AQP5: variants seen among roughly 807,000 people sequenced by gnomAD.
The protein encoded by AQP5 is aquaporin 5, also known as aquaporin-5.
AQP5 carries 15 observed loss-of-function variants against 19.1 expected under a neutral mutation model. The ratio of observed to expected loss-of-function variants is 0.79; its 90% CI spans 0.53 to 1.21. The LOEUF (loss-of-function observed/expected upper bound fraction) is 1.21. AQP5 is among the 50% of genes most tolerant of loss of function. The probability of loss-of-function intolerance (pLI) is 0.00; values close to 1 mark genes in which losing one functional copy is unlikely to be tolerated. For synonymous variants in AQP5, 182 were observed against 160.3 expected (o/e 1.14, Z -1.02); for missense variants, 355 against 357.1 (o/e 0.99, Z 0.05).
rs766801870 is a variant in AQP5 at position 49,965,020 on chromosome 12, C to T, written c.641C>T (p.Ala214Val). The T allele has an allele frequency of 1.4e-5, 23 of 1,613,648 alleles. No individual in the cohort carries two copies. The highest frequency in any genetic ancestry group is 1.2e-4 in the Admixed American group (7 of 59,972). ...WVFWVGPIVG[A>V]VLAAILYFYL... ...TTCTGGGTAGGGCCCATCGTGGGGG[C>T]GGTCCTGGCTGCCATCCTTTACTTC... The change falls in exon 4 of 4, where the codon GCG (alanine) becomes GTG (valine). Residue 214 changes from alanine (A) to valine (V), a missense_variant. Ala to Val is a moderately conservative substitution (Grantham distance 64). Transcript: ENST00000293599.
intron 2 of AQP5, 66 bp downstream of exon 2, chr12:49,963,722 C>G: frequency 6.4e-7 from 1 of 1,559,396 alleles, no homozygotes; most frequent in Non-Finnish European, 8.7e-7. Context: ...TAATGGAGCC[C>G]TGGAGCGGAG....
At chr12:49,962,545 A>T in intron 1 of AQP5, 165 bp downstream of exon 1, 6 of 865,206 alleles carry the variant, frequency 6.9e-6, no homozygotes, top group Non-Finnish European at 9.7e-6. Context: ...CTCCAGGCTG[A>T]TATGTGCTCC....
At position 49,962,379 on chromosome 12, in the gene AQP5, C is replaced by G. The variant is rs757296927; in HGVS notation, c.362C>G (p.Ala121Gly). 2.0e-6 allele frequency: 3 copies of G among 1,486,734 alleles called. No individual in the cohort carries two copies. Among genetic ancestry groups the G allele is most frequent in the South Asian group, 1.2e-5 (1 of 84,264 alleles). 92.1% of individuals were successfully genotyped at this position (1,486,734 alleles called of 1,614,324 possible). A position where few individuals can be genotyped will look rare whatever the true frequency, so the allele number is the denominator to read the frequency against. Reference protein sequence around the residue: ...LNARGNLAVNALNNNTTQGQA... With the variant: ...LNARGNLAVNGLNNNTTQGQA... ...GCCCGGGGCAATCTGGCCGTCAACGCGGTGAGTGCCCTGGGGGGGGGGTGG... is the reference window on the plus strand; with the variant it reads ...GCCCGGGGCAATCTGGCCGTCAACGGGGTGAGTGCCCTGGGGGGGGGGTGG... The change falls in exon 1 of 4, where the codon GCG becomes GGG. Residue 121 changes from alanine to glycine, a missense_variant and splice_region_variant. By Grantham distance (60) the Ala-to-Gly change is moderately conservative. Transcript: ENST00000293599.
rs747236328 is a variant in AQP5, at chr12:49,965,172, C to T, written c.793C>T (p.Arg265Cys). ...ERKKTMELTT[R>C] Reference sequence around the variant, plus strand: ...GAAGAAGACCATGGAGCTGACCACCCGCTGACCAGTGTCAGGCAGGGGCCA... The same window carrying T: ...GAAGAAGACCATGGAGCTGACCACCTGCTGACCAGTGTCAGGCAGGGGCCA... The change falls in exon 4 of 4, where the codon CGC becomes TGC. Residue 265 changes from arginine (R) to cysteine (C), a missense_variant. Transcript: ENST00000293599. 1.1e-5 allele frequency: 18 copies of T among 1,608,108 alleles called. No individual in the cohort carries two copies. The highest frequency in any genetic ancestry group is 5.5e-5 in the South Asian group (5 of 90,564).
rs1947427381 is a variant in AQP5, at chr12:49,961,967, C to T, written c.-51C>T. Reference sequence around the variant, plus strand: ...ATCCACCTCCTCCGCCGCCTGCGACCCAACGGGCGCCCCCCGCCGCGGCAG... The same window carrying T: ...ATCCACCTCCTCCGCCGCCTGCGACTCAACGGGCGCCCCCCGCCGCGGCAG... On this transcript the variant is annotated 5_prime_UTR_variant, in exon 1 of 4. Transcript: ENST00000293599. 7.9e-7 allele frequency: 1 copy of T among 1,269,766 alleles called. No individual in the cohort carries two copies. The highest frequency in any genetic ancestry group is 1.5e-5 in the African/African-American group (1 of 64,606). The allele number at this position is 1,269,766 out of a possible 1,614,324, so 78.7% of individuals were successfully genotyped here. A position where few individuals can be genotyped will look rare whatever the true frequency, so the allele number is the denominator to read the frequency against.
chr12:49,964,903 G>T, intron 3 of AQP5, 89 bp from the exon 4 acceptor site: 1 of 1,518,264 alleles, frequency 6.6e-7, no homozygotes, highest in Non-Finnish European at 8.8e-7. Flanking sequence ...TCCTCTCAGG[G>T]TCCGTGGGTC....
At chr12:49,962,529 G>GCCAGAGCCTCC (rs1947440507) in intron 1 of AQP5, 149 bp downstream of exon 1, 1 of 1,250,918 alleles carries the variant, frequency 8.0e-7, no homozygotes. Flanking sequence ...GGCCAGGAAG[G>GCCAGAGCCTCC]CAACTCTCCA....
chr12:49,964,091 G>A lies in AQP5; in HGVS notation c.529-1G>A. ...CTCTCCACCGCCCTGTCTCTATCCA[G>A]ATCTACTTCACTGGCTGCTCCATGA... On this transcript the variant is annotated splice_acceptor_variant, in intron 2 of 3. Coordinates refer to ENST00000293599, the MANE Select transcript of AQP5 (RefSeq NM_001651.4). LOFTEE classifies it high-confidence loss of function. The A allele has an allele frequency of 6.2e-7, 1 of 1,613,828 alleles. No homozygotes were observed. The highest frequency in any genetic ancestry group is 8.5e-7 in the Non-Finnish European group (1 of 1,179,692).
rs1947474854 is a variant in AQP5 at position 49,965,064 on chromosome 12, T to C, written c.685T>C (p.Ser229Pro). 6.2e-7 allele frequency: 1 copy of C among 1,613,848 alleles called. No homozygotes were observed. The highest frequency in any genetic ancestry group is 8.5e-7 in the Non-Finnish European group (1 of 1,179,988). The stretch of plus-strand genomic sequence containing the variant: ...TTACTTCTACCTGCTCTTCCCCAAC[T>C]CCCTGAGCCTGAGTGAGCGTGTGGC... ...ILYFYLLFPNSLSLSERVAII... is the reference protein window; with the variant it reads ...ILYFYLLFPNPLSLSERVAII... Residue 229 changes from serine (S) to proline (P), a missense_variant, in exon 4 of 4, where the codon TCC becomes CCC. Transcript: ENST00000293599.
chr12:49,964,400 T>C (rs570333147), intron 3 of AQP5, among the ~76,000 whole-genome samples: 4 of 152,180 alleles, frequency 2.6e-5, no homozygotes, highest in African/African-American at 7.2e-5. Context: ...TCTGAGTATC[T>C]ATCCGCTTAT....
rs758120085 is a variant in AQP5, at chr12:49,962,039, G to A, written c.22G>A (p.Val8Met). 4.6e-5 allele frequency: 73 copies of A among 1,592,232 alleles called. No individual in the cohort carries two copies. The highest frequency in any genetic ancestry group is 5.8e-5 in the Non-Finnish European group (67 of 1,164,566). The change falls in exon 1 of 4, where the codon GTG (valine) becomes ATG (methionine). Residue 8 changes from valine (V) to methionine (M), a missense_variant. Physicochemically the swap from Val to Met is conservative, Grantham distance 21 (BLOSUM62 1). Coordinates refer to ENST00000293599, the MANE Select transcript of AQP5 (RefSeq NM_001651.4). ...CACCATGAAGAAGGAGGTGTGCTCC[G>A]TGGCCTTCCTCAAGGCCGTGTTCGC... MKKEVCS[V>M]AFLKAVFAEF...
chr12:49,964,313 G>C, intron 3 of AQP5, 138 bp downstream of exon 3: 3 of 918,106 alleles, frequency 3.3e-6, no homozygotes, highest in Non-Finnish European at 3.4e-6. Context: ...GACAGAGAAA[G>C]GGACACAGTA....
At chr12:49,962,532 A>ATAGC (rs145585963) in intron 1 of AQP5, 152 bp downstream of exon 1, 1 of 1,196,250 alleles carries the variant, frequency 8.4e-7, no homozygotes. Flanking sequence ...CAGGAAGGCA[A>ATAGC]CTCTCCAGGC....
Position 49,965,079 on chromosome 12 carries a change from G to A in AQP5, c.700G>A (p.Glu234Lys), listed in dbSNP as rs1364382865. ...LLFPNSLSLS[E>K]RVAIIKGTYE... ...CTTCCCCAACTCCCTGAGCCTGAGT[G>A]AGCGTGTGGCCATCATCAAAGGCAC... The change falls in exon 4 of 4, where the codon GAG becomes AAG. Residue 234 changes from glutamate to lysine, a missense_variant. Coordinates refer to ENST00000293599, the MANE Select transcript of AQP5 (RefSeq NM_001651.4). 6.2e-7 allele frequency: 1 copy of A among 1,614,090 alleles called. No individual in the cohort carries two copies. Among genetic ancestry groups the A allele is most frequent in the Non-Finnish European group, 8.5e-7 (1 of 1,180,010 alleles).
rs142666049 is a variant in AQP5 at position 49,963,528 on chromosome 12, G to A, written c.400G>A (p.Val134Met). 22 of 1,613,930 alleles carry A rather than the reference G, an allele frequency of 1.4e-5. No homozygotes were observed. In the South Asian group the frequency reaches 1.9e-4, roughly 14 times the overall value. The change falls in exon 2 of 4, where the codon GTG (valine) becomes ATG (methionine). Residue 134 changes from valine to methionine, a missense_variant. Val to Met is a conservative substitution (Grantham distance 21). Coordinates refer to ENST00000293599, the MANE Select transcript of AQP5 (RefSeq NM_001651.4). Reference sequence around the variant, plus strand: ...CACAACGCAGGGCCAGGCCATGGTGGTGGAGCTGATTCTGACCTTCCAGCT... The same window carrying A: ...CACAACGCAGGGCCAGGCCATGGTGATGGAGCTGATTCTGACCTTCCAGCT... ...NNTTQGQAMV[V>M]ELILTFQLAL...
At position 49,965,269 on chromosome 12, in the gene AQP5, G is replaced by A. The variant is rs1035306678; in HGVS notation, c.*92G>A. On this transcript the variant is annotated 3_prime_UTR_variant, in exon 4 of 4. Transcript: ENST00000293599. ...ACACAAGCTTCCTTTTTGCACAACCGGTCCTCTTGGCTGAGGAGGAGGAGC... is the reference window on the plus strand; with the variant it reads ...ACACAAGCTTCCTTTTTGCACAACCAGTCCTCTTGGCTGAGGAGGAGGAGC... 86 of 1,389,938 alleles carry A rather than the reference G, an allele frequency of 6.2e-5. 1 individual carries two copies. The highest frequency in any genetic ancestry group is 6.6e-5 in the Non-Finnish European group (70 of 1,055,862). The allele number at this position is 1,389,938 out of a possible 1,614,324, so 86.1% of individuals were successfully genotyped here. A position where few individuals can be genotyped will look rare whatever the true frequency, so the allele number is the denominator to read the frequency against.
intron 1 of AQP5, 78 bp downstream of exon 1, chr12:49,962,458 A>AG (rs1947438235): frequency 8.8e-7 from 1 of 1,142,510 alleles, no homozygotes; most frequent in Admixed American, 3.3e-5. Context: ...CACCTGGAAA[A>AG]AAGGGGTGCC....
In AQP5 at chr12:49,961,982, C is replaced by T; in HGVS notation, c.-36C>T. 7.6e-7 allele frequency: 1 copy of T among 1,319,256 alleles called. No homozygotes were observed. The highest frequency in any genetic ancestry group is 3.0e-5 in the East Asian group (1 of 33,644). The allele number at this position is 1,319,256 out of a possible 1,614,324, so 81.7% of individuals were successfully genotyped here. Reference sequence around the variant, plus strand: ...CGCCTGCGACCCAACGGGCGCCCCCCGCCGCGGCAGCTGCCGCCGGGCCCC... The same window carrying T: ...CGCCTGCGACCCAACGGGCGCCCCCTGCCGCGGCAGCTGCCGCCGGGCCCC... On this transcript the variant is annotated 5_prime_UTR_variant, in exon 1 of 4. Transcript: ENST00000293599.
At chr12:49,962,538 C>CCAAGGCCAGGAAGGCAAGTGCCTCCCA in intron 1 of AQP5, 158 bp downstream of exon 1, 1 of 954,598 alleles carries the variant, frequency 1.0e-6, no homozygotes, top group Admixed American at 3.7e-5. Flanking sequence ...GGCAACTCTC[C>CCAAGGCCAGGAAGGCAAGTGCCTCCCA]AGGCTGATAT....
Sources: allele counts gnomAD v4.1 joint callset (sites outside exome capture counted in the v4.1 genomes callset), GRCh38; gene constraint gnomAD v4.1.1; transcripts MANE v1.5; gene names NCBI Gene and HGNC (gene_info 2026-07-23, HGNC 2026-07-21).